TPO: variants seen among roughly 807,000 people sequenced by gnomAD.
The protein encoded by TPO is thyroid peroxidase.
A neutral mutation model predicts 96.9 loss-of-function variants in TPO; 78 were observed. The ratio of observed to expected loss-of-function variants is 0.81; its 90% confidence interval spans 0.67 to 0.97. The LOEUF (loss-of-function observed/expected upper bound fraction) is 0.97, where lower values mean the gene tolerates loss of function less well. Among genes scored for constraint, TPO ranks in the 50% least tolerant of loss-of-function variants. The pLI, the probability that TPO is intolerant of heterozygous loss-of-function variation, is 0.00. For synonymous variants in TPO, 547 were observed against 538.0 expected (o/e 1.02, Z -0.23); for missense variants, 1,252 against 1,274.8 (o/e 0.98, Z 0.27).
chr2:1,540,853 C>T (rs1480982737), intron 16 of TPO, 130 bp downstream of exon 16: 4 of 1,563,424 alleles, frequency 2.6e-6, no homozygotes, highest in Non-Finnish European at 3.5e-6. Context: ...CCGTTCTGCA[C>T]CTTCCTCCGG....
intron 6 of TPO, among the ~76,000 whole-genome samples, chr2:1,454,291 TTAAC>T (rs1667583778): frequency 6.6e-6 from 1 of 152,166 alleles, no homozygotes; most frequent in Admixed American, 6.5e-5. Flanking sequence ...TGCCTGTAAT[TTAAC>T]TACTCATTTC....
chr2:1,495,666 G>A (rs1426029005), intron 11 of TPO, among the ~76,000 whole-genome samples: 2 of 152,252 alleles, frequency 1.3e-5, no homozygotes, highest in African/African-American at 2.4e-5. Flanking sequence ...ACGCTGTGCT[G>A]CCCCTCCACA....
intron 15 of TPO, among the ~76,000 whole-genome samples, chr2:1,535,638 TC>T (rs1422431060): frequency 0.42 from 334 of 794 alleles, 40 homozygotes; most frequent in African/African-American, 0.45. Flanking sequence ...AAATCCTCCC[TC>T]GCTGTGTGCA....
chr2:1,419,656 G>T (rs1462322749), intron 2 of TPO, among the ~76,000 whole-genome samples: 1 of 152,190 alleles, frequency 6.6e-6, no homozygotes, highest in African/African-American at 2.4e-5. Flanking sequence ...AGTTGCCCCA[G>T]AGAGGCCTCC....
chr2:1,379,721 G>A (rs1251526507), intron 1 of TPO, among the ~76,000 whole-genome samples: 2 of 152,132 alleles, frequency 1.3e-5, no homozygotes, highest in African/African-American at 2.4e-5. Context: ...GGACACGGCT[G>A]TTCACACATG....
chr2:1,400,568 C>CAA (rs34242408), intron 1 of TPO, among the ~76,000 whole-genome samples: 4,468 of 70,854 alleles, frequency 0.063, 318 homozygotes, highest in East Asian at 0.2. Context: ...GACTCTGTCT[C>CAA]AAAAAAAAAA....
At chr2:1,397,711 C>T (rs1269343185) in intron 1 of TPO, among the ~76,000 whole-genome samples, 4 of 152,206 alleles carry the variant, frequency 2.6e-5, no homozygotes, top group Non-Finnish European at 5.9e-5. Flanking sequence ...CTCCCACCCC[C>T]GGGTCCTGAT....
Position 1,453,180 on chromosome 2 carries a change from C to A in TPO, c.483-514C>A, listed in dbSNP as rs28909404. On this transcript the variant is annotated intron_variant, in intron 5 of 16. Transcript: ENST00000329066. ...AATGGTTCCTTTGACAACCCGCTCA[C>A]TTCTGAAATCAGAAAACCAGCAACT... Among the ~76,000 whole-genome samples the A allele has an allele frequency of 5.8e-3, 886 of 152,334 alleles. 15 individuals carry two copies. The highest frequency in any genetic ancestry group is 0.02 in the African/African-American group (821 of 41,576).
chr2:1,516,347 C>T (rs1368291270), intron 14 of TPO, among the ~76,000 whole-genome samples: 3 of 152,228 alleles, frequency 2.0e-5, no homozygotes, highest in Non-Finnish European at 4.4e-5. Flanking sequence ...TGCCCCCGTC[C>T]CCCCAGGGCT....
intron 11 of TPO, among the ~76,000 whole-genome samples, chr2:1,494,748 C>T (rs951246747): frequency 1.3e-5 from 2 of 152,204 alleles, no homozygotes; most frequent in African/African-American, 4.8e-5. Flanking sequence ...TAAATACATC[C>T]CTACCTATCC....
intron 1 of TPO, among the ~76,000 whole-genome samples, chr2:1,392,715 A>G (rs966970252): frequency 1.3e-5 from 2 of 152,098 alleles, no homozygotes; most frequent in Non-Finnish European, 2.9e-5. Flanking sequence ...TTCCTGGTTT[A>G]GTCTTGGGAG....
At chr2:1,541,033 G>A in intron 16 of TPO, 2 of 1,326,184 alleles carry the variant, frequency 1.5e-6, no homozygotes, top group Non-Finnish European at 2.0e-6. Flanking sequence ...AGAGGAAGGA[G>A]AAGCTGAAGC....
intron 5 of TPO, chr2:1,439,402 A>G (rs77756582): frequency 0.044 from 6,766 of 152,540 alleles, 217 homozygotes; most frequent in South Asian, 0.12. Context: ...CTGCTCAGAA[A>G]TCGGTCACTT....
chr2:1,425,485 C>T (rs908370411), intron 3 of TPO, among the ~76,000 whole-genome samples: 13 of 151,934 alleles, frequency 8.6e-5, no homozygotes, highest in African/African-American at 2.7e-4. Context: ...ATTTCATATC[C>T]TCAGAAGTCC....
chr2:1,452,816 T>G (rs1228920490), intron 5 of TPO, among the ~76,000 whole-genome samples: 1 of 152,220 alleles, frequency 6.6e-6, no homozygotes, highest in Non-Finnish European at 1.5e-5. Flanking sequence ...TAGAAGATGC[T>G]CTGAGACATA....
intron 9 of TPO, 92 bp downstream of exon 9, chr2:1,484,946 G>T: frequency 6.4e-7 from 1 of 1,558,274 alleles, no homozygotes; most frequent in Non-Finnish European, 8.7e-7. Context: ...TAGGGTACAT[G>T]TGCACAACGT....
chr2:1,542,178 G>GATCCCACTCT (rs2125363017), intron 16 of TPO: 2 of 604,688 alleles, frequency 3.3e-6, no homozygotes, highest in South Asian at 4.0e-5. Context: ...GCGGATTGCA[G>GATCCCACTCT]ATCCCACTCT....
chr2:1,477,744 CGTGGGGCCCT>C, intron 8 of TPO, 140 bp downstream of exon 8: 1 of 1,368,126 alleles, frequency 7.3e-7, no homozygotes, highest in East Asian at 2.9e-5. Flanking sequence ...AGCTCCAGGT[CGTGGGGCCCT>C]GTGTGGGTGC....
chr2:1,458,599 T>G (rs1453870900), intron 7 of TPO, among the ~76,000 whole-genome samples: 1 of 152,136 alleles, frequency 6.6e-6, no homozygotes, highest in Non-Finnish European at 1.5e-5. Context: ...ATATGGCATA[T>G]AAGATACTGT....
Sources: allele counts gnomAD v4.1 joint callset (sites outside exome capture counted in the v4.1 genomes callset), GRCh38; gene constraint gnomAD v4.1.1; transcripts MANE v1.5; gene names NCBI Gene and HGNC (gene_info 2026-07-23, HGNC 2026-07-21).